The following MYO16 variants were observed in gnomAD, a reference collection of about 807,000 sequenced individuals.
MYO16 encodes the protein myosin XVI.
A neutral mutation model predicts 205.3 loss-of-function variants in MYO16; 94 were observed. The observed-to-expected ratio is 0.46, with a 90% confidence interval of 0.39 to 0.54. MYO16 has a LOEUF of 0.54. MYO16 is among the 20% of genes least tolerant of loss of function. The pLI is 0.00. For synonymous variants in MYO16, 988 were observed against 954.0 expected, an observed-to-expected ratio of 1.04 and a Z score of -0.66; for missense variants, 2,315 against 2,387.5, an observed-to-expected ratio of 0.97 and a Z score of 0.63.
chr13:109,146,290 T>C (rs1877326449), intron 32 of MYO16, among the ~76,000 whole-genome samples: 1 of 152,192 alleles, frequency 6.6e-6, no homozygotes. Flanking sequence ...TTATAAACAA[T>C]TTTTTTACAA....
intron 2 of MYO16, among the ~76,000 whole-genome samples, chr13:108,677,172 G>C (rs1453016015): frequency 2.6e-5 from 4 of 151,962 alleles, no homozygotes; most frequent in African/African-American, 9.7e-5. Context: ...AGCAAGAAAA[G>C]CTTGAGCAAA....
chr13:108,521,018 T>C, the MYO16 span, among the ~76,000 whole-genome samples: 1 of 152,198 alleles, frequency 6.6e-6, no homozygotes, highest in Non-Finnish European at 1.5e-5. Flanking sequence ...CCTCTTTCCC[T>C]CCTTTGCTCT....
chr13:108,586,931 G>A, the MYO16 span, among the ~76,000 whole-genome samples: 1 of 152,324 alleles, frequency 6.6e-6, no homozygotes, highest in South Asian at 2.1e-4. Flanking sequence ...GGAATTTGAA[G>A]GCAGGAGTTT....
At position 109,207,102 on chromosome 13, in the gene MYO16, G is replaced by A. The variant is rs1015542226; in HGVS notation, c.*266G>A. The A allele has an allele frequency of 1.9e-5, 8 of 415,384 alleles. No individual in the cohort carries two copies. The highest frequency in any genetic ancestry group is 6.7e-4 in the Middle Eastern group (1 of 1,498). 25.7% of individuals were successfully genotyped at this position (415,384 alleles called of 1,614,324 possible). ...TACGGCTCTGTGCTACCCCTAGGTA[G>A]CAAGAGAGAGGCTGGGAAAAGTGTG... On this transcript the variant is annotated 3_prime_UTR_variant, in exon 35 of 35. Coordinates refer to ENST00000457511, the MANE Select transcript of MYO16 (RefSeq NM_001198950.3).
chr13:109,133,515 T>C (rs1177475793), intron 31 of MYO16, among the ~76,000 whole-genome samples: 1 of 152,190 alleles, frequency 6.6e-6, no homozygotes, highest in Non-Finnish European at 1.5e-5. Flanking sequence ...GAGAAAATGT[T>C]GATCTCCTAA....
rs1466053248 is a variant in MYO16, at chr13:108,709,661, T to A, written c.293-3000T>A. 2.2e-5 allele frequency among the ~76,000 whole-genome samples: 3 copies of A among 136,106 alleles called. 1 individual carries two copies. The highest frequency in any genetic ancestry group is 8.2e-5 in the African/African-American group (3 of 36,690). 89.3% of individuals were successfully genotyped at this position (136,106 alleles called of 152,430 possible). A position where few individuals can be genotyped will look rare whatever the true frequency, so the allele number is the denominator to read the frequency against. On this transcript the variant is annotated intron_variant, in intron 2 of 34. Transcript: ENST00000457511. ...TCTCAAAATTATTATAAACTAATTATTACACAAATGATATTTTCTTCATTG... is the reference window on the plus strand; with the variant it reads ...TCTCAAAATTATTATAAACTAATTAATACACAAATGATATTTTCTTCATTG...
intron 27 of MYO16, among the ~76,000 whole-genome samples, chr13:109,093,197 T>C (rs564896213): frequency 9.5e-4 from 144 of 152,306 alleles, no homozygotes; most frequent in Non-Finnish European, 5.0e-4. Flanking sequence ...CAACTTAGGA[T>C]GCAGACTGAC....
At chr13:108,674,603 T>C (rs1308808898) in intron 2 of MYO16, among the ~76,000 whole-genome samples, 1 of 152,184 alleles carries the variant, frequency 6.6e-6, no homozygotes, top group African/African-American at 2.4e-5. Flanking sequence ...ACCTCGGAAA[T>C]TGAAATCAGA....
intron 4 of MYO16, among the ~76,000 whole-genome samples, chr13:108,765,589 C>T (rs1885752911): frequency 6.6e-6 from 1 of 152,166 alleles, no homozygotes; most frequent in East Asian, 1.9e-4. Context: ...CCATGACTTT[C>T]TGTCTGCAGT....
At chr13:108,910,345 G>A (rs868840755) in intron 16 of MYO16, among the ~76,000 whole-genome samples, 195 bp downstream of exon 16, 2 of 148,170 alleles carry the variant, frequency 1.3e-5, no homozygotes, top group African/African-American at 5.0e-5. Flanking sequence ...GTATGTGTGT[G>A]AACAAACTTA....
chr13:108,596,645 T>G (rs1358420196), intron 1 of MYO16, among the ~76,000 whole-genome samples: 1 of 152,242 alleles, frequency 6.6e-6, no homozygotes, highest in Admixed American at 6.5e-5. Context: ...TTTTTTCTTA[T>G]TCAAGAGCAC....
rs367825597 is a variant in MYO16, at chr13:108,690,923, G to T, written c.293-21738G>T. On this transcript the variant is annotated intron_variant, in intron 2 of 34. Coordinates refer to ENST00000457511, the MANE Select transcript of MYO16 (RefSeq NM_001198950.3). The stretch of plus-strand genomic sequence containing the variant: ...TCAGTTCAAGTATATTAATTCCTCA[G>T]ATTGCTAAGGATCATACCTAACTGT... Among the ~76,000 whole-genome samples, 8 of 152,254 alleles carry T rather than the reference G, an allele frequency of 5.3e-5. No homozygotes were observed. In the East Asian group the frequency reaches 1.4e-3, roughly 26 times the overall value.
chr13:108,681,096 C>T (rs1464217288), intron 2 of MYO16, among the ~76,000 whole-genome samples: 2 of 152,202 alleles, frequency 1.3e-5, no homozygotes, highest in Non-Finnish European at 2.9e-5. Flanking sequence ...GCATGTAAAA[C>T]CATTTATGTC....
chr13:108,693,838 T>G (rs1259716293), intron 2 of MYO16, among the ~76,000 whole-genome samples: 1 of 152,216 alleles, frequency 6.6e-6, no homozygotes, highest in African/African-American at 2.4e-5. Context: ...AGTAGCTGTT[T>G]TTTTGATTCT....
At chr13:108,510,008 A>G in the MYO16 span, among the ~76,000 whole-genome samples, 1 of 152,244 alleles carries the variant, frequency 6.6e-6, no homozygotes, top group Non-Finnish European at 1.5e-5. Flanking sequence ...GGCTAAAGCC[A>G]TGGTCAAGTA....
rs531828667 is a variant in MYO16, at chr13:109,024,057, CAT to C, written c.2796+4151_2796+4152del. Among the ~76,000 whole-genome samples, 695 of 143,924 alleles carry C rather than the reference CAT, an allele frequency of 4.8e-3. 5 individuals carry two copies. The highest frequency in any genetic ancestry group is 0.017 in the African/African-American group (660 of 39,682). The allele number at this position is 143,924 out of a possible 152,430, so 94.4% of individuals were successfully genotyped here. ...ATATTTATATTTATATATAAATTCT[CAT>C]ATATTTATTTAAATATAAATTTATA... On this transcript the variant is annotated intron_variant, in intron 23 of 34. Coordinates refer to ENST00000457511, the MANE Select transcript of MYO16 (RefSeq NM_001198950.3).
At chr13:108,738,301 T>G (rs899047873) in intron 4 of MYO16, among the ~76,000 whole-genome samples, 1 of 152,260 alleles carries the variant, frequency 6.6e-6, no homozygotes, top group Non-Finnish European at 1.5e-5. Flanking sequence ...TACACGCTGC[T>G]TTAAATGTGT....
rs556456876 is a variant in MYO16, at chr13:108,736,681, G to A, written c.507+9098G>A. Among the ~76,000 whole-genome samples the A allele has an allele frequency of 3.2e-3, 493 of 152,180 alleles. 2 individuals are homozygous for A. The highest frequency in any genetic ancestry group is 0.011 in the African/African-American group (477 of 41,534). ...GTAGTTTTTCCCAATTCTCTGAAGA[G>A]AGTCATTGGTAGCTTGATGGGGATG... On this transcript the variant is annotated intron_variant, in intron 4 of 34. Transcript: ENST00000457511.
At chr13:108,719,114 G>A (rs973799303) in intron 3 of MYO16, among the ~76,000 whole-genome samples, 2 of 152,008 alleles carry the variant, frequency 1.3e-5, no homozygotes, top group Non-Finnish European at 2.9e-5. Flanking sequence ...TTTGTAATAA[G>A]GACCCCAAAT....
Sources: gnomAD v4.1 joint callset for allele counts (sites outside exome capture counted in the v4.1 genomes callset) on GRCh38, gnomAD v4.1.1 for gene constraint, MANE v1.5 for transcripts, NCBI Gene and HGNC (gene_info 2026-07-23, HGNC 2026-07-21) for gene names.